Variants in VPS13A observed in about 807,000 individuals in gnomAD.
VPS13A encodes the protein vacuolar protein sorting 13 homolog A.
VPS13A carries 264 observed loss-of-function variants against 390.9 expected under a neutral mutation model. That is an observed-to-expected ratio of 0.68 (90% CI 0.61 to 0.75). The LOEUF is 0.75. VPS13A is among the 30% of genes least tolerant of loss of function. VPS13A has a pLI of 0.00. For synonymous variants in VPS13A, 1,231 were observed against 1,227.1 expected (o/e 1.00, Z -0.07); for missense variants, 3,409 against 3,733.9 (o/e 0.91, Z 2.27).
At chr9:77,303,847 G>A (rs373247252) in intron 34 of VPS13A, among the ~76,000 whole-genome samples, 1 of 152,144 alleles carries the variant, frequency 6.6e-6, no homozygotes, top group East Asian at 1.9e-4. Flanking sequence ...CCACCATAGG[G>A]CGGTTTTTCT....
At chr9:77,179,879 T>G (rs1022612725) in intron 1 of VPS13A, among the ~76,000 whole-genome samples, 1 of 152,188 alleles carries the variant, frequency 6.6e-6, no homozygotes, top group Non-Finnish European at 1.5e-5. Flanking sequence ...CCCTTCTCAC[T>G]ACTCCACCTC....
At chr9:77,273,476 T>C in intron 24 of VPS13A, 112 bp downstream of exon 24, 1 of 889,734 alleles carries the variant, frequency 1.1e-6, no homozygotes. Flanking sequence ...CTTTTCCTTT[T>C]AAAATCTAGG....
chr9:77,384,575 A>T, intron 68 of VPS13A: 1 of 1,611,456 alleles, frequency 6.2e-7, no homozygotes, highest in Non-Finnish European at 8.5e-7. Flanking sequence ...TTCCTTTGCC[A>T]TGCTTACAGA....
chr9:77,213,205 A>T, intron 8 of VPS13A, 29 bp from the exon 9 acceptor site: 1 of 1,601,082 alleles, frequency 6.2e-7, no homozygotes, highest in Non-Finnish European at 8.6e-7. Flanking sequence ...TTCAAAGAAA[A>T]TGAGACATCT....
At chr9:77,263,152 C>A (rs1389908602) in intron 23 of VPS13A, among the ~76,000 whole-genome samples, 1 of 150,524 alleles carries the variant, frequency 6.6e-6, no homozygotes, top group African/African-American at 2.4e-5. Flanking sequence ...TGTCGCCCAG[C>A]CTGGAGTGCA....
intron 1 of VPS13A, among the ~76,000 whole-genome samples, chr9:77,178,969 C>T (rs1460930593): frequency 3.3e-5 from 5 of 152,130 alleles, no homozygotes; most frequent in Non-Finnish European, 7.3e-5. Flanking sequence ...CCGTGGGGAC[C>T]TAGTATCATG....
Position 77,321,154 on chromosome 9 carries a change from G to T in VPS13A, c.5416-15G>T. 6.2e-7 allele frequency: 1 copy of T among 1,608,334 alleles called. No individual in the cohort carries two copies. The highest frequency in any genetic ancestry group is 1.1e-5 in the South Asian group (1 of 90,626). ...TTAGAATTTTTCCTTATATTTCTATGATTTATCATTTTAGATGAAAAAGAA... is the reference window on the plus strand; with the variant it reads ...TTAGAATTTTTCCTTATATTTCTATTATTTATCATTTTAGATGAAAAAGAA... On this transcript the variant is annotated splice_polypyrimidine_tract_variant and intron_variant, in intron 42 of 71. Coordinates refer to ENST00000360280, the MANE Select transcript of VPS13A (RefSeq NM_033305.3).
intron 20 of VPS13A, among the ~76,000 whole-genome samples, 183 bp from the exon 21 acceptor site, chr9:77,249,909 ATTTAC>A (rs963134780): frequency 2.2e-4 from 34 of 152,230 alleles, no homozygotes; most frequent in African/African-American, 8.2e-4. Flanking sequence ...ATATGTAAAA[ATTTAC>A]TTTATCGCTC....
In VPS13A at chr9:77,211,970, C is replaced by A. The variant is rs1025592816; in HGVS notation, c.556-999C>A. ...GCGAACCTTATTGTGAACTGCGCAT[C>A]TCAGGGATCTAGGTTGTGCCCCTGA... On this transcript the variant is annotated intron_variant, in intron 7 of 71. Coordinates refer to ENST00000360280, the MANE Select transcript of VPS13A (RefSeq NM_033305.3). Among the ~76,000 whole-genome samples the A allele has an allele frequency of 3.3e-5, 5 of 152,238 alleles. No individual in the cohort carries two copies. In the South Asian group the frequency reaches 1.0e-3, roughly 32 times the overall value.
intron 53 of VPS13A, among the ~76,000 whole-genome samples, chr9:77,353,123 T>A (rs1171060962): frequency 6.6e-6 from 1 of 152,116 alleles, no homozygotes; most frequent in East Asian, 1.9e-4. Context: ...GTGTTACAGA[T>A]TAGCCTACGT....
chr9:77,257,812 T>G (rs1035402589), intron 22 of VPS13A, among the ~76,000 whole-genome samples: 2 of 152,172 alleles, frequency 1.3e-5, no homozygotes, highest in Non-Finnish European at 2.9e-5. Flanking sequence ...GCAAAAACTC[T>G]ACTTGTTTCC....
chr9:77,412,646 C>G (rs570479380), intron 71 of VPS13A, among the ~76,000 whole-genome samples: 2 of 151,880 alleles, frequency 1.3e-5, no homozygotes, highest in Non-Finnish European at 2.9e-5. Flanking sequence ...AATATCATAC[C>G]GAATGGGCAA....
At chr9:77,302,520 A>G (rs1478005403) in intron 33 of VPS13A, among the ~76,000 whole-genome samples, 1 of 150,252 alleles carries the variant, frequency 6.7e-6, no homozygotes, top group Non-Finnish European at 1.5e-5. Flanking sequence ...CTACAGGCGC[A>G]TGCCACCACG....
Position 77,358,441 on chromosome 9 carries a change from T to C in VPS13A, c.8035+3T>C, listed in dbSNP as rs755764966. ...AAAGTCGGTCACCATGGATTCAGGTTTGTTTTTATTTTTAGATTTCCATAA... is the reference window on the plus strand; with the variant it reads ...AAAGTCGGTCACCATGGATTCAGGTCTGTTTTTATTTTTAGATTTCCATAA... On this transcript the variant is annotated splice_donor_region_variant and intron_variant, in intron 57 of 71. Transcript: ENST00000360280. The C allele has an allele frequency of 3.1e-6, 5 of 1,610,836 alleles. No individual in the cohort carries two copies. Among genetic ancestry groups the C allele is most frequent in the Non-Finnish European group, 3.4e-6 (4 of 1,177,690 alleles).
chr9:77,370,250 C>T lies in VPS13A; in HGVS notation c.8668-7C>T, dbSNP rs1271438682. ...CTCACTCATTTATTTACTATTTGGC[C>T]CTTTAGGGAGCCATCCAGGGTCCTG... On this transcript the variant is annotated splice_polypyrimidine_tract_variant and splice_region_variant and intron_variant, in intron 63 of 71. Transcript: ENST00000360280. 17 of 1,613,788 alleles carry T rather than the reference C, an allele frequency of 1.1e-5. No individual in the cohort carries two copies. The highest frequency in any genetic ancestry group is 4.5e-5 in the East Asian group (2 of 44,888).
chr9:77,408,776 G>C (rs1005487015), intron 71 of VPS13A, among the ~76,000 whole-genome samples: 1 of 152,226 alleles, frequency 6.6e-6, no homozygotes, highest in African/African-American at 2.4e-5. Context: ...CCAGGCTTGA[G>C]TAGCTAAACA....
At chr9:77,181,349 A>C (rs1824003856) in intron 1 of VPS13A, among the ~76,000 whole-genome samples, 4 of 151,908 alleles carry the variant, frequency 2.6e-5, no homozygotes, top group African/African-American at 9.6e-5. Flanking sequence ...TCTCTACGAA[A>C]AAAATAAGAT....
At chr9:77,178,060 G>T in intron 1 of VPS13A, 1 of 424,964 alleles carries the variant, frequency 2.4e-6, no homozygotes, top group South Asian at 2.1e-5. Context: ...TCCGAGCGGA[G>T]CGGACTTGCC....
At chr9:77,179,217 A>G (rs1474938536) in intron 1 of VPS13A, among the ~76,000 whole-genome samples, 2 of 152,206 alleles carry the variant, frequency 1.3e-5, no homozygotes, top group East Asian at 1.9e-4. Context: ...TGATTAATCA[A>G]CTTATTTATT....
Sources: allele counts gnomAD v4.1 joint callset (sites outside exome capture counted in the v4.1 genomes callset), GRCh38; gene constraint gnomAD v4.1.1; transcripts MANE v1.5; gene names NCBI Gene and HGNC (gene_info 2026-07-23, HGNC 2026-07-21).